The following POC1B variants were observed in gnomAD, a reference collection of about 807,000 sequenced individuals.
POC1B encodes the protein POC1 centriolar protein B.
In POC1B, 44 loss-of-function variants were observed where a neutral mutation model predicts 60.6. The observed-to-expected ratio is 0.73, with a 90% CI of 0.57 to 0.93. POC1B has a LOEUF of 0.93. POC1B is among the 40% of genes least tolerant of loss of function. POC1B has a pLI of 0.00. For synonymous variants in POC1B, 180 were observed against 198.9 expected, an observed-to-expected ratio of 0.90 and a Z score of 0.80; for missense variants, 555 against 572.3, an observed-to-expected ratio of 0.97 and a Z score of 0.31.
intron 10 of POC1B, among the ~76,000 whole-genome samples, chr12:89,450,042 G>A (rs968084354): frequency 6.6e-6 from 1 of 152,138 alleles, no homozygotes; most frequent in Non-Finnish European, 1.5e-5. Flanking sequence ...TAGCTAAGAT[G>A]TTTGGGGATT....
At chr12:89,523,491 C>G in intron 2 of POC1B, 1 of 1,612,072 alleles carries the variant, frequency 6.2e-7, no homozygotes, top group Admixed American at 1.7e-5. Flanking sequence ...ACGGGTGGAT[C>G]TCCAATTTGC....
At chr12:89,422,204 G>A (rs1035481335) in intron 11 of POC1B, among the ~76,000 whole-genome samples, 11 of 152,200 alleles carry the variant, frequency 7.2e-5, no homozygotes, top group South Asian at 2.1e-4. Context: ...AGCCTTCCAC[G>A]TGCCTACCAC....
At chr12:89,503,240 G>T (rs372053767) in intron 2 of POC1B, among the ~76,000 whole-genome samples, 1 of 150,910 alleles carries the variant, frequency 6.6e-6, no homozygotes, top group Non-Finnish European at 1.5e-5. Flanking sequence ...TCAGCCTGCC[G>T]AGTGCCTGCG....
At chr12:89,507,208 T>C (rs1869942850) in intron 2 of POC1B, among the ~76,000 whole-genome samples, 1 of 133,768 alleles carries the variant, frequency 7.5e-6, no homozygotes, top group Non-Finnish European at 1.5e-5. Context: ...GAGGCTGTAC[T>C]GAGCCACGAT....
chr12:89,514,837 C>A (rs951500462), intron 2 of POC1B, among the ~76,000 whole-genome samples: 1 of 152,120 alleles, frequency 6.6e-6, no homozygotes, highest in African/African-American at 2.4e-5. Flanking sequence ...AAGCCTCAAG[C>A]CTCTCTGGTC....
intron 4 of POC1B, among the ~76,000 whole-genome samples, chr12:89,486,838 T>C (rs1868657922): frequency 6.6e-6 from 1 of 152,112 alleles, no homozygotes; most frequent in Non-Finnish European, 1.5e-5. Flanking sequence ...AAGCATCTTT[T>C]TTAGGATAAA....
At position 89,478,151 on chromosome 12, in the gene POC1B, C is replaced by A. The variant is rs551723564; in HGVS notation, c.453-5876G>T. Reference sequence around the variant, plus strand: ...TATTGATAGACTCTTGCTCTGTAGCCCAGGCTGGAGTGCAATGGCGGGATC... The same window carrying A: ...TATTGATAGACTCTTGCTCTGTAGCACAGGCTGGAGTGCAATGGCGGGATC... On this transcript the variant is annotated intron_variant, in intron 4 of 11. Coordinates refer to ENST00000313546, the MANE Select transcript of POC1B (RefSeq NM_172240.3). Among the ~76,000 whole-genome samples, 5 of 152,086 alleles carry A rather than the reference C, an allele frequency of 3.3e-5. No homozygotes were observed. The East Asian group carries it at 7.7e-4, about 24-fold the overall frequency.
In POC1B at chr12:89,421,182, G is replaced by A. The variant is rs1334927094; in HGVS notation, c.1408C>T (p.Leu470Phe). The A allele has an allele frequency of 6.2e-7, 1 of 1,602,042 alleles. No individual in the cohort carries two copies. Among genetic ancestry groups the A allele is most frequent in the South Asian group, 1.1e-5 (1 of 90,110 alleles). ...LKDCLENQQKLFSAVQQKS is the reference protein window; with the variant it reads ...LKDCLENQQKFFSAVQQKS ...CTTTTCTGTTGGACAGCACTGAAAA[G>A]CTTTTGCTGATTTTCAAGGCAGTCT... The change falls in exon 12 of 12, where the codon CTT becomes TTT. Residue 470 changes from leucine (L) to phenylalanine (F), a missense_variant. Physicochemically the swap from Leu to Phe is conservative, Grantham distance 22 (BLOSUM62 0). Transcript: ENST00000313546.
intron 9 of POC1B, chr12:89,460,637 G>A (rs1352473907): frequency 6.6e-6 from 1 of 152,140 alleles, no homozygotes; most frequent in Non-Finnish European, 1.5e-5. Context: ...ATGCAATACA[G>A]CAGTGAAAAC....
chr12:89,449,201 C>T (rs1388208051), intron 10 of POC1B, among the ~76,000 whole-genome samples: 1 of 152,160 alleles, frequency 6.6e-6, no homozygotes, highest in Non-Finnish European at 1.5e-5. Flanking sequence ...CTTGCTTGCC[C>T]CCATCATTTC....
At chr12:89,481,337 T>C (rs1018123668) in intron 4 of POC1B, among the ~76,000 whole-genome samples, 6 of 152,194 alleles carry the variant, frequency 3.9e-5, no homozygotes, top group African/African-American at 9.7e-5. Flanking sequence ...TAAACAACCA[T>C]ACAACTGCCA....
intron 2 of POC1B, among the ~76,000 whole-genome samples, chr12:89,499,689 G>T (rs949648240): frequency 6.6e-6 from 1 of 152,038 alleles, no homozygotes; most frequent in Non-Finnish European, 1.5e-5. Context: ...AAACAATTGT[G>T]GTGGGTCAAC....
chr12:89,503,759 CCGG>C (rs1303909615), intron 2 of POC1B, among the ~76,000 whole-genome samples: 7 of 126,812 alleles, frequency 5.5e-5, no homozygotes, highest in East Asian at 2.5e-4. Flanking sequence ...GCCCCTCCGC[CCGG>C]CAGCCGCCCC....
chr12:89,432,663 G>A (rs1276340970), intron 10 of POC1B, among the ~76,000 whole-genome samples: 4 of 152,170 alleles, frequency 2.6e-5, no homozygotes, highest in African/African-American at 9.7e-5. Flanking sequence ...AATGTGCTGT[G>A]TTATGATGTA....
intron 10 of POC1B, among the ~76,000 whole-genome samples, chr12:89,446,576 G>C (rs11105292): frequency 0.28 from 42,784 of 151,936 alleles, 6,509 homozygotes; most frequent in Non-Finnish European, 0.35. Context: ...CACAGGGTGG[G>C]GAACATCACA....
intron 2 of POC1B, chr12:89,524,740 A>T: frequency 1.5e-6 from 1 of 653,700 alleles, no homozygotes; most frequent in East Asian, 2.7e-5. Context: ...CCTCCGGCAC[A>T]GCCCAACTCC....
chr12:89,435,600 C>T (rs146577411), intron 10 of POC1B, among the ~76,000 whole-genome samples: 122 of 152,228 alleles, frequency 8.0e-4, no homozygotes, highest in African/African-American at 2.6e-3. Context: ...TATATTTTCA[C>T]GTGTAAAATC....
chr12:89,423,920 T>C (rs7485077), intron 11 of POC1B, among the ~76,000 whole-genome samples: 6,907 of 152,222 alleles, frequency 0.045, 432 homozygotes, highest in East Asian at 0.12. Context: ...AAGGTAACAG[T>C]TGAGGTGAGG....
At chr12:89,525,548 G>A (rs1871389938) in intron 1 of POC1B, 3 of 1,288,544 alleles carry the variant, frequency 2.3e-6, no homozygotes, top group Admixed American at 3.9e-5. Flanking sequence ...CTCGGCTTTG[G>A]TACTTTTTTT....
Sources: allele counts gnomAD v4.1 joint callset (sites outside exome capture counted in the v4.1 genomes callset), GRCh38; gene constraint gnomAD v4.1.1; transcripts MANE v1.5; gene names NCBI Gene and HGNC (gene_info 2026-07-23, HGNC 2026-07-21).